The following GAS7 variants were observed in gnomAD, a reference collection of about 807,000 sequenced individuals.
GAS7 encodes the protein growth arrest-specific protein 7.
GAS7 carries 28 observed loss-of-function variants against 71.1 expected under a neutral mutation model. The ratio of observed to expected loss-of-function variants is 0.39; its 90% CI spans 0.29 to 0.54. The LOEUF is 0.54. Ranked by LOEUF, GAS7 falls within the 20% of genes least tolerant of loss-of-function variation. The probability of loss-of-function intolerance (pLI) is 0.62; values close to 1 mark genes in which losing one functional copy is unlikely to be tolerated. For synonymous variants in GAS7, 258 were observed against 245.8 expected (o/e 1.05, Z -0.46); for missense variants, 436 against 627.8 (o/e 0.69, Z 3.27).
intron 1 of GAS7, among the ~76,000 whole-genome samples, chr17:10,117,007 TAACGGGCTTCA>T (rs1339707061): frequency 5.3e-5 from 8 of 152,268 alleles, no homozygotes; most frequent in Middle Eastern, 6.8e-3. Flanking sequence ...TCCCATACAC[TAACGGGCTTCA>T]AACAATGAAA....
intron 1 of GAS7, among the ~76,000 whole-genome samples, chr17:10,156,395 A>G (rs2074205604): frequency 3.3e-5 from 5 of 152,234 alleles, no homozygotes; most frequent in Admixed American, 3.3e-4. Flanking sequence ...ATTTCAGATC[A>G]GTTCCTAGGC....
At chr17:10,072,354 G>A (rs1370539137) in intron 1 of GAS7, among the ~76,000 whole-genome samples, 7 of 152,154 alleles carry the variant, frequency 4.6e-5, no homozygotes, top group Non-Finnish European at 1.0e-4. Context: ...GGCAGCCCCA[G>A]CTTTAACTTA....
At chr17:10,118,884 A>C (rs777514949) in intron 1 of GAS7, among the ~76,000 whole-genome samples, 1 of 152,126 alleles carries the variant, frequency 6.6e-6, no homozygotes, top group Non-Finnish European at 1.5e-5. Flanking sequence ...GGACACCAGC[A>C]CAACGTACAC....
chr17:9,955,047 A>G (rs2069174798), intron 5 of GAS7, among the ~76,000 whole-genome samples: 1 of 152,148 alleles, frequency 6.6e-6, no homozygotes, highest in South Asian at 2.1e-4. Context: ...CTAGTTCACT[A>G]TAAGTGGCAG....
chr17:10,095,805 A>T (rs1261204541), intron 1 of GAS7, among the ~76,000 whole-genome samples: 1 of 151,454 alleles, frequency 6.6e-6, no homozygotes, highest in Non-Finnish European at 1.5e-5. Flanking sequence ...CCATCTCAAA[A>T]AAAAAAAAAA....
At chr17:10,041,436 T>A (rs2072868702) in intron 1 of GAS7, among the ~76,000 whole-genome samples, 1 of 152,030 alleles carries the variant, frequency 6.6e-6, no homozygotes, top group Non-Finnish European at 1.5e-5. Context: ...CACACAGAAA[T>A]CACTGTCATT....
intron 2 of GAS7, among the ~76,000 whole-genome samples, chr17:10,016,602 C>CAAAAAAAA (rs1158379710): frequency 8.1e-4 from 69 of 84,682 alleles, no homozygotes; most frequent in African/African-American, 2.2e-3. Context: ...CTGTCTCTAC[C>CAAAAAAAA]AAAAAAAAAA....
chr17:10,163,259 C>T (rs944918416), intron 1 of GAS7, among the ~76,000 whole-genome samples: 9 of 151,964 alleles, frequency 5.9e-5, no homozygotes, highest in East Asian at 1.9e-4. Context: ...TACAGGCATG[C>T]GCCAACACGC....
At chr17:10,056,985 G>A (rs1209073118) in intron 1 of GAS7, among the ~76,000 whole-genome samples, 4 of 152,034 alleles carry the variant, frequency 2.6e-5, no homozygotes, top group African/African-American at 7.2e-5. Flanking sequence ...TGGTGGAGAC[G>A]GGGTTTCGCT....
At chr17:10,072,724 G>A (rs1238952832) in intron 1 of GAS7, among the ~76,000 whole-genome samples, 1 of 152,152 alleles carries the variant, frequency 6.6e-6, no homozygotes, top group Non-Finnish European at 1.5e-5. Context: ...GTAAAGAACA[G>A]ACCAGACGGC....
intron 1 of GAS7, among the ~76,000 whole-genome samples, chr17:10,036,220 C>T (rs373144060): frequency 6.6e-6 from 1 of 151,986 alleles, no homozygotes; most frequent in Non-Finnish European, 1.5e-5. Context: ...ACACAATGAC[C>T]CACGTCTTTT....
At chr17:9,964,050 C>T (rs1251082956) in intron 4 of GAS7, among the ~76,000 whole-genome samples, 2 of 152,058 alleles carry the variant, frequency 1.3e-5, no homozygotes, top group Non-Finnish European at 2.9e-5. Context: ...ATTCCCTCTA[C>T]TTTTGCAAAG....
At chr17:10,089,218 A>T (rs7211187) in intron 1 of GAS7, among the ~76,000 whole-genome samples, 8 of 152,058 alleles carry the variant, frequency 5.3e-5, no homozygotes, top group Non-Finnish European at 1.0e-4. Context: ...GTTCCCATGC[A>T]CTGTCTTCCC....
At chr17:10,195,256 G>C (rs968001932) in intron 1 of GAS7, among the ~76,000 whole-genome samples, 1 of 152,122 alleles carries the variant, frequency 6.6e-6, no homozygotes, top group African/African-American at 2.4e-5. Context: ...TGGCCACTGG[G>C]TCAGATCTGG....
chr17:10,182,119 C>T (rs2074421183), intron 1 of GAS7, among the ~76,000 whole-genome samples: 1 of 152,166 alleles, frequency 6.6e-6, no homozygotes, highest in Admixed American at 6.5e-5. Flanking sequence ...GTCAGTCAAG[C>T]AGCCCATACT....
At chr17:10,134,902 G>A (rs974130616) in intron 1 of GAS7, among the ~76,000 whole-genome samples, 1 of 151,300 alleles carries the variant, frequency 6.6e-6, no homozygotes, top group African/African-American at 2.4e-5. Context: ...GTACAATCTC[G>A]GCTCACTGTC....
chr17:10,147,454 CA>C (rs2074130417), intron 1 of GAS7, among the ~76,000 whole-genome samples: 1 of 152,140 alleles, frequency 6.6e-6, no homozygotes, highest in Non-Finnish European at 1.5e-5. Flanking sequence ...AATACGCAGA[CA>C]AAAGGAAACA....
chr17:9,959,159 A>G lies in GAS7; in HGVS notation c.525+43T>C. 1 of 1,603,026 alleles carries G rather than the reference A, an allele frequency of 6.2e-7. No homozygotes were observed. Among genetic ancestry groups the G allele is most frequent in the South Asian group, 1.1e-5 (1 of 90,354 alleles). On this transcript the variant is annotated intron_variant, in intron 5 of 13. Coordinates refer to ENST00000432992, the MANE Select transcript of GAS7 (RefSeq NM_201433.2). This position sits in a 1 kb window ranked among gnomAD's most constrained non-coding sequence, Gnocchi z 5.0. ...TGGCAACAGCCCAGCCAAATGCCCC[A>G]GCTCGCAGCCCACCCTGAGGGCGCC...
At position 9,912,853 on chromosome 17, in the gene GAS7, C is replaced by T. The variant is rs2067475784; in HGVS notation, c.*4375G>A. 2 of 232,784 alleles carry T rather than the reference C, an allele frequency of 8.6e-6. No homozygotes were observed. Among genetic ancestry groups the T allele is most frequent in the Non-Finnish European group, 1.7e-5 (2 of 117,754 alleles). The allele number at this position is 232,784 out of a possible 1,614,324, so 14.4% of individuals were successfully genotyped here. Reference sequence around the variant, plus strand: ...AAAAATAAAGAAGCAGAGTAGTACGCCCATGCAATGAAATACTTCCCGGCA... The same window carrying T: ...AAAAATAAAGAAGCAGAGTAGTACGTCCATGCAATGAAATACTTCCCGGCA... On this transcript the variant is annotated 3_prime_UTR_variant, in exon 14 of 14. Transcript: ENST00000432992.
Sources: gnomAD v4.1 joint callset for allele counts (sites outside exome capture counted in the v4.1 genomes callset) on GRCh38, gnomAD v4.1.1 for gene constraint, Gnocchi (gnomAD v3.1) non-coding constraint, MANE v1.5 for transcripts, NCBI Gene and HGNC (gene_info 2026-07-23, HGNC 2026-07-21) for gene names.